ZNF564: variants seen among roughly 807,000 people sequenced by gnomAD.
ZNF564 encodes zinc finger protein 564.
Under a neutral mutation model 10.5 loss-of-function variants are expected in ZNF564, and 5 were observed. That is an observed-to-expected ratio of 0.48 (90% CI 0.25 to 1.00). The LOEUF (loss-of-function observed/expected upper bound fraction) is 1.00. Among genes scored for constraint, ZNF564 ranks in the 50% least tolerant of loss-of-function variants. The pLI is 0.16. For missense variants in ZNF564, 603 were observed against 669.7 expected (o/e 0.90, Z 1.10); for synonymous variants, 242 against 218.1 (o/e 1.11, Z -0.97).
At chr19:12,543,072 G>C (rs562439332) in intron 1 of ZNF564, among the ~76,000 whole-genome samples, 1 of 152,220 alleles carries the variant, frequency 6.6e-6, no homozygotes, top group South Asian at 2.1e-4. Context: ...AGGCCAAGGC[G>C]GGCAGATCAC....
chr19:12,540,638 AAGTCAGG>A (rs1433404197), intron 1 of ZNF564, among the ~76,000 whole-genome samples: 2 of 152,094 alleles, frequency 1.3e-5, no homozygotes, highest in Admixed American at 1.3e-4. Flanking sequence ...GCAGATCACA[AAGTCAGG>A]AGATCGCCAC....
chr19:12,540,716 T>C (rs1412230433), intron 1 of ZNF564, among the ~76,000 whole-genome samples: 1 of 151,810 alleles, frequency 6.6e-6, no homozygotes, highest in Non-Finnish European at 1.5e-5. Context: ...TAGCCGGGCG[T>C]GGTGGCGGGC....
intron 1 of ZNF564, among the ~76,000 whole-genome samples, chr19:12,542,535 C>T (rs2022076374): frequency 6.6e-6 from 1 of 151,394 alleles, no homozygotes; most frequent in Non-Finnish European, 1.5e-5. Context: ...GCAGGAGGAT[C>T]GCTTGAACCC....
intron 1 of ZNF564, chr19:12,532,878 T>C (rs150764990): frequency 1.6e-3 from 246 of 152,252 alleles, no homozygotes; most frequent in African/African-American, 5.6e-3. Flanking sequence ...ATACAACTGA[T>C]AGAACTGCAA....
chr19:12,526,494 T>G lies in ZNF564; in HGVS notation c.1614A>C (p.Gly538=), dbSNP rs953028245. ...AAGGTTGTGTGATAAATGAAAGCTT[T>G]CCCACATTCTTTACGTAAGGTTTAT... ...NGDKPYVKNV[G]KLSFITQPSN... is the part of the protein sequence containing the mutation. The change falls in exon 4 of 4, where the codon GGA becomes GGC. Residue 538 remains glycine (G), a synonymous_variant. Transcript: ENST00000339282. The G allele has an allele frequency of 5.0e-6, 8 of 1,607,346 alleles. No individual in the cohort carries two copies. The highest frequency in any genetic ancestry group is 1.7e-5 in the Admixed American group (1 of 58,166).
intron 1 of ZNF564, chr19:12,550,509 A>G: frequency 3.5e-6 from 1 of 288,364 alleles, no homozygotes; most frequent in South Asian, 2.4e-5. Flanking sequence ...TACAAAAAGT[A>G]GCCGGTCGTG....
intron 1 of ZNF564, among the ~76,000 whole-genome samples, chr19:12,537,670 G>A (rs984298315): frequency 4.6e-5 from 7 of 151,550 alleles, no homozygotes; most frequent in Admixed American, 6.6e-5. Context: ...CCCGGGAGGC[G>A]GAGGTTGCGG....
At position 12,525,533 on chromosome 19, in the gene ZNF564, T is replaced by A. The variant is rs989801736; in HGVS notation, c.*913A>T. On this transcript the variant is annotated 3_prime_UTR_variant, in exon 4 of 4. Transcript: ENST00000339282. The stretch of plus-strand genomic sequence containing the variant: ...TTTGATACTACTAATCCTAATGAGA[T>A]GCTATGTATGTCTTGAGTTTGATTT... 2 of 152,232 alleles carry A rather than the reference T, an allele frequency of 1.3e-5. No individual in the cohort carries two copies. Among genetic ancestry groups the A allele is most frequent in the African/African-American group, 4.8e-5 (2 of 41,456 alleles). 9.4% of individuals were successfully genotyped at this position (152,232 alleles called of 1,614,324 possible). A position where few individuals can be genotyped will look rare whatever the true frequency, so the allele number is the denominator to read the frequency against.
intron 1 of ZNF564, among the ~76,000 whole-genome samples, chr19:12,545,187 A>G (rs8103228): frequency 0.078 from 11,665 of 150,154 alleles, 612 homozygotes; most frequent in African/African-American, 0.16. Flanking sequence ...ACTTGAACCC[A>G]GGAGGCGGAG....
chr19:12,535,161 G>T (rs1215905076), intron 1 of ZNF564, among the ~76,000 whole-genome samples: 2 of 151,764 alleles, frequency 1.3e-5, no homozygotes, highest in Non-Finnish European at 2.9e-5. Flanking sequence ...ATCACCTGAG[G>T]TCAGGAGTTT....
chr19:12,536,664 G>A (rs1025092150), intron 1 of ZNF564, among the ~76,000 whole-genome samples: 4 of 152,062 alleles, frequency 2.6e-5, no homozygotes, highest in Non-Finnish European at 5.9e-5. Context: ...TCTAGAATTC[G>A]GACATGGATG....
In ZNF564 at chr19:12,526,461, G is replaced by A. The variant is rs1020433339; in HGVS notation, c.1647C>T (p.Thr549=). 6.3e-7 allele frequency: 1 copy of A among 1,593,476 alleles called. No individual in the cohort carries two copies. Among genetic ancestry groups the A allele is most frequent in the Non-Finnish European group, 8.5e-7 (1 of 1,171,482 alleles). The change falls in exon 4 of 4, where the codon ACC becomes ACT. Residue 549 remains threonine, a synonymous_variant. Transcript: ENST00000339282. ...KLSFITQPSN[T]CENE ...CTGTCCTCCACTATTCATTTTCACA[G>A]GTATTCGAAGGTTGTGTGATAAATG...
chr19:12,547,480 G>A (rs1191695699), intron 1 of ZNF564, among the ~76,000 whole-genome samples: 4 of 152,102 alleles, frequency 2.6e-5, no homozygotes, highest in Non-Finnish European at 5.9e-5. Flanking sequence ...TTGTATTTGA[G>A]GATGTCTAGA....
At position 12,525,725 on chromosome 19, in the gene ZNF564, T is replaced by C. The variant is rs1599275074; in HGVS notation, c.*721A>G. The C allele has an allele frequency of 6.6e-6, 1 of 152,224 alleles. No individual in the cohort carries two copies. Among genetic ancestry groups the C allele is most frequent in the Admixed American group, 6.5e-5 (1 of 15,274 alleles). The allele number at this position is 152,224 out of a possible 1,614,324, so 9.4% of individuals were successfully genotyped here. A position where few individuals can be genotyped will look rare whatever the true frequency, so the allele number is the denominator to read the frequency against. ...AATACCATAAATTGGAAAGCTTAAT[T>C]AATCAACAAACATTTATTTCTCATG... On this transcript the variant is annotated 3_prime_UTR_variant, in exon 4 of 4. Transcript: ENST00000339282.
At position 12,525,451 on chromosome 19, in the gene ZNF564, T is replaced by C. The variant is rs961789873; in HGVS notation, c.*995A>G. ...TTATACCACTGTACATTCCCAGTGA[T>C]AGTGCACAATGTTCTCCAACATTCC... On this transcript the variant is annotated 3_prime_UTR_variant, in exon 4 of 4. Transcript: ENST00000339282. 2 of 152,248 alleles carry C rather than the reference T, an allele frequency of 1.3e-5. No homozygotes were observed. Among genetic ancestry groups the C allele is most frequent in the African/African-American group, 4.8e-5 (2 of 41,462 alleles). The allele number at this position is 152,248 out of a possible 1,614,324, so 9.4% of individuals were successfully genotyped here.
intron 1 of ZNF564, chr19:12,548,280 C>A: frequency 1.5e-6 from 1 of 661,220 alleles, no homozygotes; most frequent in Non-Finnish European, 1.9e-6. Context: ...TCCAGTGGCA[C>A]GATCCCGGCT....
At position 12,551,384 on chromosome 19, in the gene ZNF564, G is replaced by C. The variant is rs1291042606; in HGVS notation, c.-52C>G. 2.1e-5 allele frequency: 33 copies of C among 1,549,414 alleles called. No individual in the cohort carries two copies. Among genetic ancestry groups the C allele is most frequent in the Non-Finnish European group, 2.9e-5 (33 of 1,145,486 alleles). The stretch of plus-strand genomic sequence containing the variant: ...TCCTGCCTACGGCTCTCTCCGGCCT[G>C]TGCAGGTCCCAGCGCGCCAGACGCT... On this transcript the variant is annotated 5_prime_UTR_variant, in exon 1 of 4. Transcript: ENST00000339282.
chr19:12,546,267 A>G (rs2022150329), intron 1 of ZNF564, among the ~76,000 whole-genome samples: 1 of 152,216 alleles, frequency 6.6e-6, no homozygotes. Context: ...TACAAAACCA[A>G]ATTGCTGACA....
intron 1 of ZNF564, among the ~76,000 whole-genome samples, chr19:12,529,105 C>T (rs1163060458): frequency 2.0e-5 from 3 of 152,044 alleles, no homozygotes; most frequent in South Asian, 4.2e-4. Flanking sequence ...GTCGACAAAA[C>T]GATGTGGCAG....
Sources: gnomAD v4.1 joint callset for allele counts (sites outside exome capture counted in the v4.1 genomes callset) on GRCh38, gnomAD v4.1.1 for gene constraint, MANE v1.5 for transcripts, NCBI Gene and HGNC (gene_info 2026-07-23, HGNC 2026-07-21) for gene names.